The following CYP26B1 variants were observed in gnomAD, a reference collection of about 807,000 sequenced individuals.
The protein encoded by CYP26B1 is cytochrome P450 26B1.
In CYP26B1, 8 loss-of-function variants were observed where a neutral mutation model predicts 39.1. That is an observed-to-expected ratio of 0.20 (90% CI 0.12 to 0.37). CYP26B1 has a LOEUF of 0.37. CYP26B1 is among the 10% of genes least tolerant of loss of function. CYP26B1 has a pLI of 1.00. For synonymous variants in CYP26B1, 321 were observed against 314.3 expected (o/e 1.02, Z -0.23); for missense variants, 615 against 707.0 (o/e 0.87, Z 1.48).
intron 1 of CYP26B1, 26 bp from the exon 2 acceptor site, chr2:72,144,239 C>T: frequency 6.4e-7 from 1 of 1,574,480 alleles, no homozygotes; most frequent in East Asian, 2.3e-5. Flanking sequence ...CCGGGTCTCT[C>T]TCAGGGTGCA....
At chr2:72,144,434 G>A in intron 1 of CYP26B1, 1 of 1,353,362 alleles carries the variant, frequency 7.4e-7, no homozygotes, top group Non-Finnish European at 9.5e-7. Flanking sequence ...GGAGGCCCAG[G>A]GGCACCCCCA....
chr2:72,138,719 C>T (rs898978789), intron 2 of CYP26B1, among the ~76,000 whole-genome samples: 4 of 152,100 alleles, frequency 2.6e-5, no homozygotes, highest in Non-Finnish European at 5.9e-5. Context: ...TCCAGGTTTA[C>T]CTGCTGCAGC....
At chr2:72,145,709 C>T (rs1677105560) in intron 1 of CYP26B1, among the ~76,000 whole-genome samples, 1 of 152,142 alleles carries the variant, frequency 6.6e-6, no homozygotes, top group Non-Finnish European at 1.5e-5. Context: ...CTCGCCCCCA[C>T]CCCCCGCCTC....
intron 1 of CYP26B1, among the ~76,000 whole-genome samples, chr2:72,146,364 TG>T (rs944122793): frequency 1.7e-4 from 6 of 35,404 alleles, no homozygotes; most frequent in African/African-American, 4.1e-4. Context: ...TTGCGGGGGG[TG>T]GGGGGGTGAT....
chr2:72,135,927 G>T (rs1489038015), intron 2 of CYP26B1, among the ~76,000 whole-genome samples: 2 of 152,168 alleles, frequency 1.3e-5, no homozygotes, highest in Admixed American at 6.5e-5. Flanking sequence ...TCCAAAAGCA[G>T]GGGGAGATGG....
chr2:72,139,095 T>A (rs1079144), intron 2 of CYP26B1, among the ~76,000 whole-genome samples: 33,138 of 151,928 alleles, frequency 0.22, 10,261 homozygotes, highest in African/African-American at 0.69. Flanking sequence ...CAGATGGACA[T>A]ATGGATGGGC....
chr2:72,141,060 C>T (rs1452131847), intron 2 of CYP26B1, among the ~76,000 whole-genome samples: 1 of 152,174 alleles, frequency 6.6e-6, no homozygotes, highest in African/African-American at 2.4e-5. Flanking sequence ...GCTTCTAGAA[C>T]CATTCTCTAG....
chr2:72,144,345 G>GATCTA (rs1203236926), intron 1 of CYP26B1, 132 bp from the exon 2 acceptor site: 62 of 1,456,532 alleles, frequency 4.3e-5, no homozygotes, highest in South Asian at 1.9e-4. Context: ...ACACAGACGA[G>GATCTA]CACGCAGGTT....
chr2:72,132,326 C>T lies in CYP26B1; in HGVS notation c.1440G>A (p.Leu480=). ...TFPRITLVPV[L]HPVDGLSVKF... ...TGACGCTGAGGCCATCCACGGGGTG[C>T]AGGACGGGGACCAAGGTGATGCGGG... The change falls in exon 6 of 6, where the codon CTG becomes CTA. Residue 480 remains leucine (L), a synonymous_variant. Transcript: ENST00000001146. The T allele has an allele frequency of 1.9e-6, 3 of 1,609,954 alleles. No homozygotes were observed. Among genetic ancestry groups the T allele is most frequent in the Non-Finnish European group, 1.7e-6 (2 of 1,178,146 alleles).
At chr2:72,145,507 C>T (rs1452112879) in intron 1 of CYP26B1, among the ~76,000 whole-genome samples, 2 of 152,184 alleles carry the variant, frequency 1.3e-5, no homozygotes, top group Non-Finnish European at 2.9e-5. Flanking sequence ...GCGTCTACCC[C>T]TTTAAGAAAA....
chr2:72,138,355 G>C (rs1251519885), intron 2 of CYP26B1, among the ~76,000 whole-genome samples: 2 of 152,172 alleles, frequency 1.3e-5, no homozygotes, highest in African/African-American at 2.4e-5. Context: ...CTGGGGCAGA[G>C]GGCGGCCAGG....
rs1227572958 is a variant in CYP26B1 at position 72,143,975 on chromosome 2, G to C, written c.429+14C>G. 1 of 1,612,940 alleles carries C rather than the reference G, an allele frequency of 6.2e-7. No homozygotes were observed. Among genetic ancestry groups the C allele is most frequent in the Non-Finnish European group, 8.5e-7 (1 of 1,179,898 alleles). On this transcript the variant is annotated intron_variant, in intron 2 of 5. Coordinates refer to ENST00000001146, the MANE Select transcript of CYP26B1 (RefSeq NM_019885.4). The stretch of plus-strand genomic sequence containing the variant: ...GGGAGGGATTGCGCGGAAGAAAACG[G>C]GCAGAGTTCTTACCTTGCGCTTGTT...
chr2:72,136,961 G>A (rs1347019132), intron 2 of CYP26B1, among the ~76,000 whole-genome samples: 1 of 152,198 alleles, frequency 6.6e-6, no homozygotes, highest in Non-Finnish European at 1.5e-5. Flanking sequence ...AGGGAAAAGT[G>A]CATCAGGAAA....
chr2:72,143,343 G>C (rs1572929952), intron 2 of CYP26B1, among the ~76,000 whole-genome samples: 1 of 150,244 alleles, frequency 6.7e-6, no homozygotes, highest in East Asian at 1.9e-4. Flanking sequence ...AAATCCAAGG[G>C]ATAAACACCC....
At chr2:72,139,124 C>T (rs1013588019) in intron 2 of CYP26B1, among the ~76,000 whole-genome samples, 2 of 152,028 alleles carry the variant, frequency 1.3e-5, no homozygotes, top group African/African-American at 2.4e-5. Flanking sequence ...CGGGTAGAGC[C>T]GGAGTGGGGA....
At chr2:72,144,367 A>T in intron 1 of CYP26B1, 154 bp from the exon 2 acceptor site, 2 of 1,438,408 alleles carry the variant, frequency 1.4e-6, no homozygotes, top group Non-Finnish European at 1.8e-6. Flanking sequence ...TATTTTTCAT[A>T]GCGTGCACAA....
Position 72,144,031 on chromosome 2 carries a change from C to T in CYP26B1, c.387G>A (p.Thr129=), listed in dbSNP as rs1368028133. The stretch of plus-strand genomic sequence containing the variant: ...GGATGTCGCCAATGGAATTGGACAC[C>T]GTGTTGGGGCCCAGCAACATGCGGG... ...RSTRMLLGPN[T]VSNSIGDIHR... is the part of the protein sequence containing the mutation. The change falls in exon 2 of 6, where the codon ACG becomes ACA. Residue 129 remains threonine, a synonymous_variant. Transcript: ENST00000001146. The T allele has an allele frequency of 1.2e-6, 2 of 1,613,674 alleles. No individual in the cohort carries two copies. Among genetic ancestry groups the T allele is most frequent in the Non-Finnish European group, 1.7e-6 (2 of 1,180,032 alleles).
chr2:72,144,927 C>T (rs913528892), intron 1 of CYP26B1, among the ~76,000 whole-genome samples: 1 of 152,176 alleles, frequency 6.6e-6, no homozygotes, highest in African/African-American at 2.4e-5. Context: ...CGGCGCAAGC[C>T]GAGGATGGCG....
intron 3 of CYP26B1, 90 bp downstream of exon 3, chr2:72,135,054 C>T: frequency 6.2e-7 from 1 of 1,603,150 alleles, no homozygotes; most frequent in Non-Finnish European, 8.5e-7. Context: ...TGCCTAGGTG[C>T]CCATCTCAGG....
Sources: gnomAD v4.1 joint callset for allele counts (sites outside exome capture counted in the v4.1 genomes callset) on GRCh38, gnomAD v4.1.1 for gene constraint, MANE v1.5 for transcripts, NCBI Gene and HGNC (gene_info 2026-07-23, HGNC 2026-07-21) for gene names.